The following ARHGAP21 variants were observed in gnomAD, a reference collection of about 807,000 sequenced individuals.
The protein encoded by ARHGAP21 is Rho GTPase activating protein 21, also known as rho GTPase-activating protein 21.
In ARHGAP21, 38 loss-of-function variants were observed where a neutral mutation model predicts 164.6. That is an observed-to-expected ratio of 0.23 (90% CI 0.18 to 0.30). The LOEUF (loss-of-function observed/expected upper bound fraction) is 0.30. Among genes scored for constraint, ARHGAP21 ranks in the 10% least tolerant of loss-of-function variants. The pLI, the probability that ARHGAP21 is intolerant of heterozygous loss-of-function variation, is 1.00. For missense variants in ARHGAP21, 1,822 were observed against 2,370.7 expected (o/e 0.77, Z 4.81); for synonymous variants, 766 against 857.9 (o/e 0.89, Z 1.87).
At position 24,633,475 on chromosome 10, in the gene ARHGAP21, G is replaced by A. The variant is rs143822377; in HGVS notation, c.367C>T (p.Arg123Ter). 1.2e-6 allele frequency: 2 copies of A among 1,608,154 alleles called. No homozygotes were observed. Among genetic ancestry groups the A allele is most frequent in the Non-Finnish European group, 1.7e-6 (2 of 1,176,890 alleles). ...CTTTCTCCATTGACTTTTATAATTC[G>A]GTCACCTTCAAAGAGAAGTTAAAAA... ...AFEAGLCTGDRIIKVNGESVI... is the reference protein window; with the variant it reads ...AFEAGLCTGD The change falls in exon 6 of 26, where the codon CGA becomes TGA. Residue 123 changes from arginine (R) to a stop codon, truncating the protein, a stop_gained. Coordinates refer to ENST00000396432, the MANE Select transcript of ARHGAP21 (RefSeq NM_020824.4). LOFTEE classifies it high-confidence loss of function.
intron 2 of ARHGAP21, among the ~76,000 whole-genome samples, chr10:24,691,481 C>G (rs1039243687): frequency 1.3e-5 from 2 of 152,096 alleles, no homozygotes; most frequent in Non-Finnish European, 2.9e-5. Flanking sequence ...GTAAAAAATT[C>G]TAAATATAGA....
intron 2 of ARHGAP21, among the ~76,000 whole-genome samples, chr10:24,719,798 G>A (rs1018551822): frequency 2.0e-5 from 3 of 152,174 alleles, no homozygotes; most frequent in African/African-American, 7.2e-5. Flanking sequence ...AAGATTTAAT[G>A]TGTATCAGAA....
chr10:24,630,813 A>G (rs1835781658), intron 6 of ARHGAP21, among the ~76,000 whole-genome samples: 1 of 152,072 alleles, frequency 6.6e-6, no homozygotes, highest in Non-Finnish European at 1.5e-5. Context: ...AAACATCTTA[A>G]TTTTGCAATA....
At chr10:24,648,751 C>G (rs903645472) in intron 4 of ARHGAP21, 1 of 947,596 alleles carries the variant, frequency 1.1e-6, no homozygotes, top group Admixed American at 6.5e-5. Flanking sequence ...CGCACTCCAG[C>G]CTAAGCAATA....
intron 7 of ARHGAP21, chr10:24,629,759 G>A (rs558528141): frequency 1.8e-6 from 1 of 550,844 alleles, no homozygotes; most frequent in Non-Finnish European, 3.4e-6. Flanking sequence ...CATTCTAAAT[G>A]AGAGCATTAA....
At position 24,597,598 on chromosome 10, in the gene ARHGAP21, G is replaced by A; in HGVS notation, c.3198-15C>T. ...GTTCTGCTTTGCTGTTGAAGGAAAT[G>A]ACATTTGTTAACAATTACAGTAATC... On this transcript the variant is annotated splice_polypyrimidine_tract_variant and intron_variant, in intron 15 of 25. Transcript: ENST00000396432. 6.2e-7 allele frequency: 1 copy of A among 1,613,362 alleles called. No individual in the cohort carries two copies.
chr10:24,619,419 G>A (rs941009539), intron 9 of ARHGAP21, 54 bp downstream of exon 9: 1 of 1,500,874 alleles, frequency 6.7e-7, no homozygotes, highest in Non-Finnish European at 9.0e-7. Flanking sequence ...ATACTTTTCT[G>A]GAAAGATTTC....
rs915857132 is a variant in ARHGAP21 at position 24,607,816 on chromosome 10, G to A, written c.2510C>T (p.Ser837Phe). The part of the protein sequence containing the change: ...VISASTSQVP[S>F]IATVPPCLTT... The stretch of plus-strand genomic sequence containing the variant: ...GAGGCAAGGAGGAACTGTTGCTATG[G>A]AGGGGACCTGAGAGGTAGAGGCTGA... Residue 837 changes from serine to phenylalanine, a missense_variant, in exon 10 of 26, where the codon TCC becomes TTC. Ser to Phe is a radical substitution (Grantham distance 155). This residue lies in a region of ARHGAP21 where 1,090 missense variants were observed against 1,378.9 expected (regional missense o/e 0.79). Transcript: ENST00000396432. The A allele has an allele frequency of 2.5e-6, 4 of 1,614,156 alleles. No homozygotes were observed. The highest frequency in any genetic ancestry group is 1.7e-4 in the Middle Eastern group (1 of 6,060).
chr10:24,592,150 A>T, intron 21 of ARHGAP21, 138 bp from the exon 22 acceptor site: 1 of 647,534 alleles, frequency 1.5e-6, no homozygotes, highest in Non-Finnish European at 2.2e-6. Flanking sequence ...AATGCTTTCT[A>T]GCAAGATTTT....
In ARHGAP21 at chr10:24,585,658, G is replaced by C; in HGVS notation, c.4631C>G (p.Ser1544Cys). 3.7e-6 allele frequency: 6 copies of C among 1,614,158 alleles called. No individual in the cohort carries two copies. Among genetic ancestry groups the C allele is most frequent in the Non-Finnish European group, 5.1e-6 (6 of 1,180,034 alleles). Residue 1544 changes from serine to cysteine, a missense_variant, in exon 26 of 26, where the codon TCT becomes TGT. Ser to Cys is a moderately radical substitution (Grantham distance 112). Coordinates refer to ENST00000396432, the MANE Select transcript of ARHGAP21 (RefSeq NM_020824.4). ...QKSSHLEETG[S>C]DSGTLLSTSS... ...CGTGCTGAGCAAAGTGCCAGAGTCA[G>C]AGCCTGTCTCTTCAAGGTGGGAGGA...
At chr10:24,699,524 C>T (rs986879742) in intron 2 of ARHGAP21, among the ~76,000 whole-genome samples, 8 of 151,990 alleles carry the variant, frequency 5.3e-5, no homozygotes, top group African/African-American at 1.5e-4. Context: ...AGGGTTTCAC[C>T]ATGTTGGCCA....
intron 11 of ARHGAP21, among the ~76,000 whole-genome samples, chr10:24,607,144 ATAAT>A (rs2077060883): frequency 6.6e-6 from 1 of 152,236 alleles, no homozygotes; most frequent in Non-Finnish European, 1.5e-5. Context: ...GTTTGTAAAA[ATAAT>A]TAGAATACAG....
At chr10:24,630,309 G>A (rs890555354) in intron 6 of ARHGAP21, among the ~76,000 whole-genome samples, 4 of 152,036 alleles carry the variant, frequency 2.6e-5, no homozygotes, top group African/African-American at 7.2e-5. Flanking sequence ...TTTATAACAT[G>A]TTTCTAATTT....
chr10:24,704,847 C>G (rs1844075026), intron 2 of ARHGAP21, among the ~76,000 whole-genome samples: 1 of 152,084 alleles, frequency 6.6e-6, no homozygotes. Context: ...CTCAAGTGAT[C>G]CTCCCAAGGT....
intron 6 of ARHGAP21, among the ~76,000 whole-genome samples, chr10:24,632,046 C>T (rs1835904106): frequency 6.6e-6 from 1 of 152,166 alleles, no homozygotes; most frequent in South Asian, 2.1e-4. Flanking sequence ...TATATTAATC[C>T]ACTGCAGAAT....
intron 12 of ARHGAP21, among the ~76,000 whole-genome samples, chr10:24,602,909 T>G (rs1165506584): frequency 6.6e-6 from 1 of 152,196 alleles, no homozygotes; most frequent in Non-Finnish European, 1.5e-5. Flanking sequence ...AGTTCTGAAA[T>G]ACTTGGCTTC....
rs1345336418 is a variant in ARHGAP21 at position 24,600,929 on chromosome 10, C to T, written c.2849G>A (p.Arg950Gln). ...FRPLVTDKGK[R>Q]VGGSIRPWKQ... ...CCATGGCCGAATACTTCCACCAACTCGCTAGAAAACATGCGACAGTTCTTT... is the reference window on the plus strand; with the variant it reads ...CCATGGCCGAATACTTCCACCAACTTGCTAGAAAACATGCGACAGTTCTTT... Residue 950 changes from arginine to glutamine, a missense_variant and splice_region_variant, in exon 14 of 26, where the codon CGA (arginine) becomes CAA (glutamine). This residue lies in a region of ARHGAP21 where 1,090 missense variants were observed against 1,378.9 expected (regional missense o/e 0.79). Coordinates refer to ENST00000396432, the MANE Select transcript of ARHGAP21 (RefSeq NM_020824.4). The T allele has an allele frequency of 5.0e-6, 8 of 1,608,036 alleles. No individual in the cohort carries two copies. The highest frequency in any genetic ancestry group is 1.7e-5 in the Admixed American group (1 of 59,716).
intron 2 of ARHGAP21, among the ~76,000 whole-genome samples, chr10:24,672,890 A>C (rs937934460): frequency 5.3e-5 from 8 of 151,944 alleles, no homozygotes; most frequent in South Asian, 2.1e-4. Flanking sequence ...AAAACAAAAA[A>C]AAACAGCATT....
At chr10:24,631,664 G>C (rs544091579) in intron 6 of ARHGAP21, among the ~76,000 whole-genome samples, 2 of 152,282 alleles carry the variant, frequency 1.3e-5, no homozygotes, top group South Asian at 4.1e-4. Context: ...TCAATATTTA[G>C]AGTTGGTAGA....
Sources: gnomAD v4.1 joint callset for allele counts (sites outside exome capture counted in the v4.1 genomes callset) on GRCh38, gnomAD v4.1.1 for gene constraint, gnomAD v4.1.1 regional missense constraint, MANE v1.5 for transcripts, NCBI Gene and HGNC (gene_info 2026-07-23, HGNC 2026-07-21) for gene names.